SGCD: variants seen among roughly 807,000 people sequenced by gnomAD.
SGCD encodes the protein sarcoglycan delta.
SGCD carries 18 observed loss-of-function variants against 36.6 expected under a neutral mutation model. That is an observed-to-expected ratio of 0.49 (90% CI 0.34 to 0.73). SGCD has a LOEUF of 0.73. SGCD is among the 30% of genes least tolerant of loss of function. SGCD has a pLI of 0.01. For synonymous variants in SGCD, 133 were observed against 130.6 expected (o/e 1.02, Z -0.12); for missense variants, 387 against 346.7 (o/e 1.12, Z -0.92).
intron 7 of SGCD, among the ~76,000 whole-genome samples, chr5:156,683,419 G>C (rs984757793): frequency 5.3e-5 from 8 of 152,164 alleles, no homozygotes; most frequent in African/African-American, 1.7e-4. Flanking sequence ...ATGGAAGCTA[G>C]TAAATATTTG....
At chr5:155,873,001 T>C (rs980379200) in intron 1 of SGCD, among the ~76,000 whole-genome samples, 1 of 152,198 alleles carries the variant, frequency 6.6e-6, no homozygotes, top group Non-Finnish European at 1.5e-5. Flanking sequence ...TGGGCAGATC[T>C]CCAAGAACTT....
chr5:156,423,429 A>AATATAATATATTATATTTTATTAT (rs1561686129), intron 3 of SGCD, among the ~76,000 whole-genome samples: 1,722 of 92,280 alleles, frequency 0.019, 257 homozygotes, highest in Middle Eastern at 0.035. Flanking sequence ...TATTTTAATA[A>AATATAATATATTATATTTTATTAT]AATATAATAT....
chr5:156,108,316 A>G (rs1761698932), intron 1 of SGCD, among the ~76,000 whole-genome samples: 2 of 152,186 alleles, frequency 1.3e-5, no homozygotes, highest in African/African-American at 4.8e-5. Context: ...AGTTATGTAT[A>G]GGATTTAACA....
At chr5:156,745,568 G>C (rs1756905376) in intron 7 of SGCD, among the ~76,000 whole-genome samples, 1 of 152,132 alleles carries the variant, frequency 6.6e-6, no homozygotes, top group South Asian at 2.1e-4. Flanking sequence ...TCGGAAACAA[G>C]GCACCATGAG....
intron 1 of SGCD, among the ~76,000 whole-genome samples, chr5:156,042,811 GA>G (rs1759670054): frequency 6.6e-6 from 1 of 152,126 alleles, no homozygotes; most frequent in South Asian, 2.1e-4. Flanking sequence ...AGTAATTGGG[GA>G]AGTTGTGAAT....
the SGCD span, among the ~76,000 whole-genome samples, chr5:155,733,645 T>G: frequency 6.6e-6 from 1 of 151,850 alleles, no homozygotes; most frequent in Non-Finnish European, 1.5e-5. Flanking sequence ...TTTTTTTTTT[T>G]GCCATTTCAG....
rs75720376 is a variant in SGCD, at chr5:156,093,031, C to T, written c.-281-24847C>T. Reference sequence around the variant, plus strand: ...TCCTGTGGGGAAATTTTAATTGGCTCGGAGAGATTTAAGGGAGCCTCCAGA... The same window carrying T: ...TCCTGTGGGGAAATTTTAATTGGCTTGGAGAGATTTAAGGGAGCCTCCAGA... On this transcript the variant is annotated intron_variant, in intron 1 of 9. Transcript: ENST00000517913. 6.4e-3 allele frequency among the ~76,000 whole-genome samples: 981 copies of T among 152,296 alleles called. 6 individuals are homozygous for T. The highest frequency in any genetic ancestry group is 0.022 in the African/African-American group (920 of 41,556).
rs983714420 is a variant in SGCD at position 156,140,315 on chromosome 5, G to A, written c.-44+16296G>A. 2.0e-5 allele frequency among the ~76,000 whole-genome samples: 3 copies of A among 152,284 alleles called. No individual in the cohort carries two copies. The South Asian group carries it at 6.2e-4, about 32-fold the overall frequency. Reference sequence around the variant, plus strand: ...GTATTGCTGTGAACTGAGCATTAAGGGTGCTTCTGGTAGGGGCTCAGAAGA... The same window carrying A: ...GTATTGCTGTGAACTGAGCATTAAGAGTGCTTCTGGTAGGGGCTCAGAAGA... On this transcript the variant is annotated intron_variant, in intron 3 of 9. Transcript: ENST00000517913.
chr5:155,877,649 A>G (rs900470454), intron 1 of SGCD, among the ~76,000 whole-genome samples: 2 of 152,104 alleles, frequency 1.3e-5, no homozygotes, highest in African/African-American at 4.8e-5. Flanking sequence ...ATTTTGTCCC[A>G]ATGTACTTAA....
chr5:155,916,611 T>G (rs921564795), intron 1 of SGCD, among the ~76,000 whole-genome samples: 1 of 152,186 alleles, frequency 6.6e-6, no homozygotes, highest in Non-Finnish European at 1.5e-5. Context: ...GTGTTTCTTT[T>G]AAGTTGCTTC....
chr5:155,899,239 A>G (rs1205866007), intron 1 of SGCD, among the ~76,000 whole-genome samples: 3 of 152,244 alleles, frequency 2.0e-5, no homozygotes, highest in Non-Finnish European at 2.9e-5. Context: ...AGTGGAAGTC[A>G]TATGAAAGAG....
At chr5:156,227,024 A>C (rs1449566811) in intron 3 of SGCD, among the ~76,000 whole-genome samples, 1 of 151,618 alleles carries the variant, frequency 6.6e-6, no homozygotes, top group Non-Finnish European at 1.5e-5. Context: ...GTAGATTATG[A>C]AGACTTTCTC....
At chr5:156,534,436 A>G (rs1407998670) in intron 4 of SGCD, among the ~76,000 whole-genome samples, 1 of 151,332 alleles carries the variant, frequency 6.6e-6, no homozygotes, top group Non-Finnish European at 1.5e-5. Flanking sequence ...GATTCTTTAT[A>G]CTCTATTCTG....
the SGCD span, among the ~76,000 whole-genome samples, chr5:155,831,399 A>G: frequency 6.6e-6 from 1 of 152,188 alleles, no homozygotes; most frequent in South Asian, 2.1e-4. Flanking sequence ...GTTTAATTGC[A>G]TTGCCTCTTT....
intron 6 of SGCD, among the ~76,000 whole-genome samples, chr5:156,645,352 A>G (rs996896458): frequency 6.6e-6 from 1 of 152,124 alleles, no homozygotes; most frequent in Non-Finnish European, 1.5e-5. Flanking sequence ...ATGTTTGTCT[A>G]CTCTGGAGCT....
At chr5:156,400,071 A>C (rs1307391503) in intron 3 of SGCD, among the ~76,000 whole-genome samples, 2 of 152,110 alleles carry the variant, frequency 1.3e-5, no homozygotes, top group African/African-American at 4.8e-5. Context: ...AGCATGTTTC[A>C]TTGCTGCAGG....
At chr5:156,398,166 GA>G (rs1771965861) in intron 3 of SGCD, among the ~76,000 whole-genome samples, 1 of 152,224 alleles carries the variant, frequency 6.6e-6, no homozygotes, top group African/African-American at 2.4e-5. Flanking sequence ...CTGACAGTCT[GA>G]AGTGATAGAG....
chr5:156,213,649 C>A (rs2127642177), intron 3 of SGCD, among the ~76,000 whole-genome samples: 1 of 152,128 alleles, frequency 6.6e-6, no homozygotes, highest in South Asian at 2.1e-4. Context: ...TAAAACCAGA[C>A]AATGCCACTG....
chr5:156,404,843 C>A (rs116090259), intron 3 of SGCD, among the ~76,000 whole-genome samples: 1 of 152,072 alleles, frequency 6.6e-6, no homozygotes, highest in Non-Finnish European at 1.5e-5. Flanking sequence ...TCTAAGATGG[C>A]GGTCAAGATC....
Sources: allele counts gnomAD v4.1 joint callset (sites outside exome capture counted in the v4.1 genomes callset), GRCh38; gene constraint gnomAD v4.1.1; transcripts MANE v1.5; gene names NCBI Gene and HGNC (gene_info 2026-07-23, HGNC 2026-07-21).